STPG4: variants seen among roughly 807,000 people sequenced by gnomAD.
STPG4 encodes sperm-tail PG-rich repeat containing 4.
A neutral mutation model predicts 31.5 loss-of-function variants in STPG4; 41 were observed. The ratio of observed to expected loss-of-function variants is 1.30; its 90% CI spans 1.01 to 1.69. The LOEUF is 1.69. Among genes scored for constraint, STPG4 ranks in the 40% most tolerant of loss-of-function variants. The probability of loss-of-function intolerance (pLI) is 0.00; values close to 1 mark genes in which losing one functional copy is unlikely to be tolerated. For synonymous variants in STPG4, 141 were observed against 103.0 expected (o/e 1.37, Z -2.24); for missense variants, 375 against 293.4 (o/e 1.28, Z -2.03).
At chr2:47,125,610 T>C (rs111436017) in intron 5 of STPG4, among the ~76,000 whole-genome samples, 1 of 152,230 alleles carries the variant, frequency 6.6e-6, no homozygotes, top group Admixed American at 6.5e-5. Flanking sequence ...ACATTTTTGC[T>C]TTGGTTGCCT....
chr2:47,152,250 C>T (rs1424204529), intron 2 of STPG4, among the ~76,000 whole-genome samples: 1 of 152,164 alleles, frequency 6.6e-6, no homozygotes, highest in African/African-American at 2.4e-5. Flanking sequence ...AGGATAATGA[C>T]ATGACACCAG....
At chr2:47,120,498 T>C (rs1248219493) in intron 5 of STPG4, among the ~76,000 whole-genome samples, 1 of 151,358 alleles carries the variant, frequency 6.6e-6, no homozygotes, top group Non-Finnish European at 1.5e-5. Context: ...ACCTGGGAGG[T>C]GGAGCTTGCA....
chr2:47,140,716 A>G (rs1686683938), intron 3 of STPG4, among the ~76,000 whole-genome samples: 1 of 152,160 alleles, frequency 6.6e-6, no homozygotes. Flanking sequence ...CAAGCTATTT[A>G]CATGCAGAAC....
intron 1 of STPG4, 134 bp downstream of exon 1, chr2:47,155,037 G>A (rs1687000710): frequency 1.4e-6 from 1 of 740,050 alleles, no homozygotes; most frequent in African/African-American, 1.7e-5. Context: ...AGACGTGCGT[G>A]AGGGCAGGGA....
At chr2:47,118,618 T>C (rs10865221) in intron 5 of STPG4, among the ~76,000 whole-genome samples, 15,844 of 152,186 alleles carry the variant, frequency 0.1, 949 homozygotes, top group Non-Finnish European at 0.12. Context: ...CACTAAGTGG[T>C]AAGACAGCTC....
chr2:47,102,549 C>G (rs191838822), intron 5 of STPG4, among the ~76,000 whole-genome samples: 85 of 151,898 alleles, frequency 5.6e-4, no homozygotes, highest in Non-Finnish European at 7.4e-5. Context: ...TCCGAGCTTT[C>G]TTTTCATTGA....
At chr2:47,149,291 A>T (rs898657734) in intron 3 of STPG4, among the ~76,000 whole-genome samples, 1 of 152,080 alleles carries the variant, frequency 6.6e-6, no homozygotes, top group African/African-American at 2.4e-5. Context: ...GTATTGTGTA[A>T]CTCCATCCTT....
At chr2:47,142,914 G>T (rs1426684760) in intron 3 of STPG4, among the ~76,000 whole-genome samples, 1 of 133,668 alleles carries the variant, frequency 7.5e-6, no homozygotes, top group African/African-American at 2.8e-5. Context: ...CGCGATCTTG[G>T]CTCACAGCAA....
At chr2:47,093,266 G>A (rs758746434) in intron 5 of STPG4, among the ~76,000 whole-genome samples, 6 of 152,208 alleles carry the variant, frequency 3.9e-5, no homozygotes, top group Non-Finnish European at 8.8e-5. Flanking sequence ...ACTCATGGCA[G>A]AGAGATGAAA....
intron 5 of STPG4, among the ~76,000 whole-genome samples, chr2:47,114,609 G>C (rs925982804): frequency 5.3e-5 from 8 of 152,172 alleles, no homozygotes; most frequent in African/African-American, 1.9e-4. Context: ...GCATGACAAA[G>C]TTGTGTATGT....
intron 2 of STPG4, 113 bp downstream of exon 2, chr2:47,152,844 C>A: frequency 1.4e-6 from 1 of 720,646 alleles, no homozygotes; most frequent in Non-Finnish European, 2.1e-6. Context: ...CCATGCAGAT[C>A]TGAACAATCA....
intron 3 of STPG4, among the ~76,000 whole-genome samples, chr2:47,150,200 T>G (rs1450720464): frequency 6.6e-6 from 1 of 152,288 alleles, no homozygotes; most frequent in East Asian, 1.9e-4. Context: ...ATAAAAGACA[T>G]GTATTAGTGA....
At chr2:47,145,301 G>A (rs190744044) in intron 3 of STPG4, among the ~76,000 whole-genome samples, 151 of 152,292 alleles carry the variant, frequency 9.9e-4, no homozygotes, top group Admixed American at 3.1e-3. Context: ...TGAGACCCTA[G>A]AAAGGTACTT....
In STPG4 at chr2:47,151,289, G is replaced by C. The variant is rs111446647; in HGVS notation, c.368C>G (p.Pro123Arg). The change falls in exon 3 of 7, where the codon CCA becomes CGA. Residue 123 changes from proline to arginine, a missense_variant. Physicochemically the swap from Pro to Arg is moderately radical, Grantham distance 103 (BLOSUM62 -2). Coordinates refer to ENST00000445927, the MANE Select transcript of STPG4 (RefSeq NM_001163561.2). Reference protein sequence around the residue: ...ATYSFKDKPRPSPSTLVDKDQ... With the variant: ...ATYSFKDKPRRSPSTLVDKDQ... ...TTTGTCAACTAGTGTGCTGGGGCTTGGCCGTGGTTTGTCTTTGAATGAGTA... is the reference window on the plus strand; with the variant it reads ...TTTGTCAACTAGTGTGCTGGGGCTTCGCCGTGGTTTGTCTTTGAATGAGTA... 57 of 1,614,196 alleles carry C rather than the reference G, an allele frequency of 3.5e-5. No homozygotes were observed. The African/African-American group carries it at 4.1e-4, about 12-fold the overall frequency.
chr2:47,144,447 G>A (rs1465625974), intron 3 of STPG4, among the ~76,000 whole-genome samples: 1 of 152,190 alleles, frequency 6.6e-6, no homozygotes, highest in Non-Finnish European at 1.5e-5. Context: ...TGGGGAGGCT[G>A]AGGCAGGAGG....
At chr2:47,154,994 C>A (rs1469136280) in intron 1 of STPG4, among the ~76,000 whole-genome samples, 177 bp downstream of exon 1, 2 of 151,990 alleles carry the variant, frequency 1.3e-5, no homozygotes, top group Non-Finnish European at 2.9e-5. Flanking sequence ...AGGAAATGTC[C>A]AATAAAGACC....
chr2:47,135,514 G>C (rs1215553519), intron 3 of STPG4, among the ~76,000 whole-genome samples: 1 of 152,068 alleles, frequency 6.6e-6, no homozygotes, highest in Non-Finnish European at 1.5e-5. Context: ...AGCCTCCCAA[G>C]TAGCTAGGAT....
intron 5 of STPG4, among the ~76,000 whole-genome samples, chr2:47,115,798 G>C (rs986004334): frequency 6.6e-6 from 1 of 151,892 alleles, no homozygotes; most frequent in South Asian, 2.1e-4. Flanking sequence ...GATTACAGGC[G>C]CACGCTGCCA....
At chr2:47,094,884 G>A (rs575934220) in intron 5 of STPG4, among the ~76,000 whole-genome samples, 28 of 152,292 alleles carry the variant, frequency 1.8e-4, no homozygotes, top group African/African-American at 6.7e-4. Context: ...AACATTACAG[G>A]CCTTTGGTAA....
Sources: gnomAD v4.1 joint callset for allele counts (sites outside exome capture counted in the v4.1 genomes callset) on GRCh38, gnomAD v4.1.1 for gene constraint, MANE v1.5 for transcripts, NCBI Gene and HGNC (gene_info 2026-07-23, HGNC 2026-07-21) for gene names.